Variants in PRMT8 observed in about 807,000 individuals in gnomAD.
PRMT8 encodes protein arginine methyltransferase 8.
Under a neutral mutation model 47.1 loss-of-function variants are expected in PRMT8, and 7 were observed. That is an observed-to-expected ratio of 0.15 (90% CI 0.08 to 0.28). The LOEUF (loss-of-function observed/expected upper bound fraction) is 0.28. PRMT8 is among the 10% of genes least tolerant of loss of function. PRMT8 has a pLI of 1.00. For missense variants in PRMT8, 237 were observed against 505.4 expected (o/e 0.47, Z 5.09); for synonymous variants, 188 against 186.5 (o/e 1.01, Z -0.07).
At chr12:3,517,537 A>G (rs1022630371) in intron 1 of PRMT8, among the ~76,000 whole-genome samples, 14 of 152,150 alleles carry the variant, frequency 9.2e-5, no homozygotes, top group Admixed American at 2.6e-4. Flanking sequence ...AAATTGAACT[A>G]TAAGTACTGC....
chr12:3,440,457 G>A (rs752685049), intron 1 of PRMT8, among the ~76,000 whole-genome samples: 19 of 122,088 alleles, frequency 1.6e-4, no homozygotes, highest in Non-Finnish European at 2.7e-4. Context: ...GCAAGACTCC[G>A]TCAAAACAAA....
intron 1 of PRMT8, among the ~76,000 whole-genome samples, chr12:3,506,703 G>C (rs1214430935): frequency 1.3e-5 from 2 of 152,204 alleles, no homozygotes; most frequent in African/African-American, 4.8e-5. Context: ...GCACGGAAGA[G>C]AAGTGGTCAT....
At chr12:3,549,286 G>T (rs1016066278) in intron 2 of PRMT8, among the ~76,000 whole-genome samples, 1 of 152,080 alleles carries the variant, frequency 6.6e-6, no homozygotes, top group African/African-American at 2.4e-5. Flanking sequence ...CCTTAATAGT[G>T]TTGATTTCTA....
At chr12:3,496,223 T>A (rs1251176059) in intron 1 of PRMT8, among the ~76,000 whole-genome samples, 5,325 of 119,640 alleles carry the variant, frequency 0.045, 824 homozygotes, top group African/African-American at 0.16. Flanking sequence ...TATTTTTTTT[T>A]TTTTTTTTTT....
At chr12:3,571,014 C>T (rs4766142) in intron 6 of PRMT8, among the ~76,000 whole-genome samples, 36,133 of 152,134 alleles carry the variant, frequency 0.24, 4,632 homozygotes, top group East Asian at 0.3. Flanking sequence ...TTATCTAATA[C>T]CTTTGGGCCT....
chr12:3,475,711 C>A (rs1865205461), intron 1 of PRMT8, among the ~76,000 whole-genome samples: 1 of 151,862 alleles, frequency 6.6e-6, no homozygotes, highest in Non-Finnish European at 1.5e-5. Flanking sequence ...CCTGAAAGGG[C>A]CTGAGCAGGG....
At chr12:3,459,660 G>C (rs1591556327) in intron 1 of PRMT8, among the ~76,000 whole-genome samples, 1 of 152,224 alleles carries the variant, frequency 6.6e-6, no homozygotes, top group South Asian at 2.1e-4. Flanking sequence ...ACAGAGGGCT[G>C]TTTGGGGTGG....
chr12:3,437,284 A>T (rs938629909), intron 1 of PRMT8, among the ~76,000 whole-genome samples: 1 of 152,100 alleles, frequency 6.6e-6, no homozygotes, highest in African/African-American at 2.4e-5. Flanking sequence ...AATACAAGTA[A>T]ATCTAGCTGA....
chr12:3,513,347 C>T (rs1208304380), intron 1 of PRMT8, among the ~76,000 whole-genome samples: 1 of 152,146 alleles, frequency 6.6e-6, no homozygotes, highest in African/African-American at 2.4e-5. Flanking sequence ...ACTAAATATA[C>T]GATGTACCTA....
rs1866099006 is a variant in PRMT8 at position 3,535,317 on chromosome 12, A to G, written c.76-5289A>G. On this transcript the variant is annotated intron_variant, in intron 1 of 9. Coordinates refer to ENST00000382622, the MANE Select transcript of PRMT8 (RefSeq NM_019854.5). This position sits in a 1 kb window ranked among gnomAD's most constrained non-coding sequence, Gnocchi z 4.7. ...CTAAGACAATCGCACTTTATTTATTAGGGAGAAAAACTGTGCTGAAGCTGC... is the reference window on the plus strand; with the variant it reads ...CTAAGACAATCGCACTTTATTTATTGGGGAGAAAAACTGTGCTGAAGCTGC... Among the ~76,000 whole-genome samples the G allele has an allele frequency of 6.6e-6, 1 of 152,190 alleles. No individual in the cohort carries two copies. The highest frequency in any genetic ancestry group is 2.4e-5 in the African/African-American group (1 of 41,450).
intron 7 of PRMT8, among the ~76,000 whole-genome samples, chr12:3,577,422 C>T (rs868369264): frequency 2.0e-5 from 3 of 152,134 alleles, no homozygotes; most frequent in East Asian, 1.9e-4. Context: ...TTTGCCCCAG[C>T]GGCCTGCCAG....
chr12:3,477,670 A>C (rs563555774), intron 1 of PRMT8, among the ~76,000 whole-genome samples: 2 of 152,170 alleles, frequency 1.3e-5, no homozygotes, highest in South Asian at 2.1e-4. Flanking sequence ...ATATCTCTCA[A>C]CCTTTTCCGA....
intron 2 of PRMT8, among the ~76,000 whole-genome samples, chr12:3,549,498 T>C (rs1195683582): frequency 4.0e-4 from 1 of 2,472 alleles, no homozygotes; most frequent in Non-Finnish European, 4.5e-3. Context: ...TTTTCTAGTC[T>C]TTTTTTTTTT....
intron 1 of PRMT8, among the ~76,000 whole-genome samples, chr12:3,504,531 G>A (rs1254104182): frequency 8.9e-6 from 1 of 112,858 alleles, no homozygotes; most frequent in African/African-American, 2.7e-5. Flanking sequence ...AGGGGTCAGG[G>A]ACCCACTTGA....
intron 8 of PRMT8, among the ~76,000 whole-genome samples, chr12:3,590,459 T>G (rs1867273458): frequency 6.6e-6 from 1 of 152,160 alleles, no homozygotes. Context: ...GTGGGACAGC[T>G]CTAATTCTTG....
At chr12:3,398,082 ACC>A (rs1483637101) in intron 1 of PRMT8, among the ~76,000 whole-genome samples, 1 of 152,038 alleles carries the variant, frequency 6.6e-6, no homozygotes, top group East Asian at 1.9e-4. Flanking sequence ...CGGTGCGCGC[ACC>A]CACTGACCTG....
intron 1 of PRMT8, among the ~76,000 whole-genome samples, chr12:3,391,287 A>G (rs1217026053): frequency 6.6e-6 from 1 of 152,258 alleles, no homozygotes; most frequent in Non-Finnish European, 1.5e-5. Flanking sequence ...CGCACAGTGC[A>G]TACAACAGAA....
intron 1 of PRMT8, among the ~76,000 whole-genome samples, chr12:3,533,704 G>A (rs927707066): frequency 4.6e-5 from 7 of 152,246 alleles, no homozygotes; most frequent in Admixed American, 6.5e-5. Flanking sequence ...GTGCAGGAGA[G>A]TAGAGAGAGG....
At chr12:3,499,104 C>A (rs11613909) in intron 1 of PRMT8, among the ~76,000 whole-genome samples, 1 of 151,758 alleles carries the variant, frequency 6.6e-6, no homozygotes, top group Non-Finnish European at 1.5e-5. Context: ...AGGGGCCACT[C>A]TAATCCAATA....
Sources: gnomAD v4.1 joint callset for allele counts (sites outside exome capture counted in the v4.1 genomes callset) on GRCh38, gnomAD v4.1.1 for gene constraint, Gnocchi (gnomAD v3.1) non-coding constraint, MANE v1.5 for transcripts, NCBI Gene and HGNC (gene_info 2026-07-23, HGNC 2026-07-21) for gene names.